WAC: variants seen among roughly 807,000 people sequenced by gnomAD.
WAC encodes WW domain-containing adapter protein with coiled-coil.
WAC carries 11 observed loss-of-function variants against 79.6 expected under a neutral mutation model. That is an observed-to-expected ratio of 0.14 (90% confidence interval 0.09 to 0.23). The LOEUF is 0.23. WAC is among the 10% of genes least tolerant of loss of function. WAC has a pLI of 1.00. For synonymous variants in WAC, 304 were observed against 276.9 expected, an observed-to-expected ratio of 1.10 and a Z score of -0.97; for missense variants, 728 against 773.5, an observed-to-expected ratio of 0.94 and a Z score of 0.70.
intron 3 of WAC, among the ~76,000 whole-genome samples, chr10:28,573,805 C>G (rs1318769919): frequency 6.6e-6 from 1 of 152,170 alleles, no homozygotes; most frequent in African/African-American, 2.4e-5. Flanking sequence ...CACCAATGTT[C>G]TAAATCAACT....
chr10:28,608,403 T>C lies in WAC; in HGVS notation c.1137T>C (p.Ser379=). The C allele has an allele frequency of 6.2e-7, 1 of 1,607,724 alleles. No individual in the cohort carries two copies. Among genetic ancestry groups the C allele is most frequent in the African/African-American group, 1.3e-5 (1 of 74,826 alleles). ...AAGCCACGCTGCAGCTTAATAATTCTAATGTGGACATATCTAAAATAAATG... is the reference window on the plus strand; with the variant it reads ...AAGCCACGCTGCAGCTTAATAATTCCAATGTGGACATATCTAAAATAAATG... ...ALQATLQLNN[S]NVDISKINEV... Residue 379 remains serine (S), a synonymous_variant, in exon 8 of 14, where the codon TCT becomes TCC. Coordinates refer to ENST00000354911, the MANE Select transcript of WAC (RefSeq NM_016628.5).
At chr10:28,592,775 C>CT (rs1237853689) in intron 6 of WAC, among the ~76,000 whole-genome samples, 1 of 151,920 alleles carries the variant, frequency 6.6e-6, no homozygotes, top group Non-Finnish European at 1.5e-5. Flanking sequence ...GGAATATATA[C>CT]TTTTTTTTCT....
At position 28,614,631 on chromosome 10, in the gene WAC, C is replaced by T; in HGVS notation, c.1502C>T (p.Ala501Val). 1 of 1,614,186 alleles carries T rather than the reference C, an allele frequency of 6.2e-7. No homozygotes were observed. The highest frequency in any genetic ancestry group is 8.5e-7 in the Non-Finnish European group (1 of 1,180,012). The change falls in exon 11 of 14, where the codon GCT (alanine) becomes GTT (valine). Residue 501 changes from alanine (A) to valine (V), a missense_variant. Around this residue, in one of 3 missense-constraint regions of WAC, gnomAD observed 648 missense variants for 661.5 expected, o/e 0.98. Coordinates refer to ENST00000354911, the MANE Select transcript of WAC (RefSeq NM_016628.5). ...SQSATQQPVT[A>V]DKQQGHEPVS... ...TCAGCCACACAGCAGCCTGTAACTG[C>T]TGACAAGCAGCAAGGTCATGAACCT...
chr10:28,537,501 C>A (rs1007612963), intron 3 of WAC: 3 of 152,176 alleles, frequency 2.0e-5, no homozygotes, highest in Admixed American at 1.3e-4. Flanking sequence ...TCCAGTTTAT[C>A]CCCAAATGCA....
chr10:28,555,506 G>A lies in WAC; in HGVS notation c.274+19749G>A, dbSNP rs547888355. Reference sequence around the variant, plus strand: ...CAACCAGGTCTTGGGGTTGGTGGGAGTGTTGGGCTCAACTCTGAATGCAGC... The same window carrying A: ...CAACCAGGTCTTGGGGTTGGTGGGAATGTTGGGCTCAACTCTGAATGCAGC... On this transcript the variant is annotated intron_variant, in intron 3 of 13. Coordinates refer to ENST00000354911, the MANE Select transcript of WAC (RefSeq NM_016628.5). Among the ~76,000 whole-genome samples the A allele has an allele frequency of 3.6e-4, 55 of 152,214 alleles. No individual in the cohort carries two copies. In the East Asian group the frequency reaches 6.8e-3, roughly 19 times the overall value.
chr10:28,592,156 T>C (rs1239441375), intron 6 of WAC, among the ~76,000 whole-genome samples: 1 of 152,186 alleles, frequency 6.6e-6, no homozygotes, highest in Non-Finnish European at 1.5e-5. Flanking sequence ...TTAAAGAACA[T>C]TGAATTTTGA....
intron 3 of WAC, among the ~76,000 whole-genome samples, chr10:28,569,667 G>T (rs1011966274): frequency 6.6e-6 from 1 of 152,154 alleles, no homozygotes; most frequent in Non-Finnish European, 1.5e-5. Context: ...GCTGTGGCTG[G>T]GCAAGGAGGT....
At chr10:28,563,781 T>C in intron 3 of WAC, among the ~76,000 whole-genome samples, 1 of 137,854 alleles carries the variant, frequency 7.3e-6, no homozygotes, top group African/African-American at 2.7e-5. Context: ...TTTGTATTTT[T>C]AGTAGAGACG....
chr10:28,599,097 T>G (rs1840515412), intron 7 of WAC, among the ~76,000 whole-genome samples: 1 of 152,124 alleles, frequency 6.6e-6, no homozygotes, highest in African/African-American at 2.4e-5. Flanking sequence ...ATTTTTTTTC[T>G]CAACGGAGAC....
At chr10:28,602,477 CTA>C (rs1438910454) in intron 7 of WAC, among the ~76,000 whole-genome samples, 4 of 152,176 alleles carry the variant, frequency 2.6e-5, no homozygotes, top group African/African-American at 7.2e-5. Flanking sequence ...ATAATCTGCT[CTA>C]TGTTTCCCAT....
intron 3 of WAC, among the ~76,000 whole-genome samples, chr10:28,540,326 G>GATTA (rs1440615201): frequency 6.6e-6 from 1 of 152,138 alleles, no homozygotes; most frequent in Non-Finnish European, 1.5e-5. Flanking sequence ...TGCTGTCAGA[G>GATTA]ATTAAACACT....
intron 3 of WAC, among the ~76,000 whole-genome samples, chr10:28,541,179 T>C (rs11007143): frequency 0.19 from 28,169 of 152,022 alleles, 3,094 homozygotes; most frequent in Non-Finnish European, 0.25. Context: ...TACTTGGGGT[T>C]TTGGTCTGTA....
Position 28,555,505 on chromosome 10 carries a change from A to C in WAC, c.274+19748A>C, listed in dbSNP as rs532474785. On this transcript the variant is annotated intron_variant, in intron 3 of 13. Coordinates refer to ENST00000354911, the MANE Select transcript of WAC (RefSeq NM_016628.5). ...GCAACCAGGTCTTGGGGTTGGTGGGAGTGTTGGGCTCAACTCTGAATGCAG... is the reference window on the plus strand; with the variant it reads ...GCAACCAGGTCTTGGGGTTGGTGGGCGTGTTGGGCTCAACTCTGAATGCAG... Among the ~76,000 whole-genome samples the C allele has an allele frequency of 2.0e-5, 3 of 151,946 alleles. No individual in the cohort carries two copies. The South Asian group carries it at 6.2e-4, about 32-fold the overall frequency.
intron 3 of WAC, among the ~76,000 whole-genome samples, chr10:28,565,760 C>G (rs1044270378): frequency 1.3e-5 from 2 of 152,130 alleles, no homozygotes; most frequent in African/African-American, 4.8e-5. Context: ...TAAAATAACA[C>G]AAGCAGCTCT....
intron 13 of WAC, 39 bp from the exon 14 acceptor site, chr10:28,619,498 A>G (rs747872607): frequency 2.4e-5 from 35 of 1,434,262 alleles, no homozygotes; most frequent in Non-Finnish European, 2.9e-5. Flanking sequence ...TAATATTTGT[A>G]TATGTACACA....
chr10:28,533,960 C>T lies in WAC; in HGVS notation c.42-38C>T, dbSNP rs376849596. The T allele has an allele frequency of 3.7e-6, 6 of 1,604,190 alleles. No homozygotes were observed. In the African/African-American group the frequency reaches 5.5e-5, roughly 15 times the overall value. On this transcript the variant is annotated intron_variant, in intron 1 of 13. Transcript: ENST00000354911. Reference sequence around the variant, plus strand: ...TTCCTCCCCGGCCCCCCACCCGCGCCGTGTCTTATGTCGCTGCCTTCTCTT... The same window carrying T: ...TTCCTCCCCGGCCCCCCACCCGCGCTGTGTCTTATGTCGCTGCCTTCTCTT...
intron 8 of WAC, among the ~76,000 whole-genome samples, chr10:28,610,065 G>C (rs1298720026): frequency 2.6e-5 from 4 of 151,064 alleles, no homozygotes; most frequent in African/African-American, 9.7e-5. Context: ...CCTAGTAGCT[G>C]GGATTACAGG....
chr10:28,566,078 C>T (rs534228620), intron 3 of WAC, among the ~76,000 whole-genome samples: 1 of 152,170 alleles, frequency 6.6e-6, no homozygotes, highest in East Asian at 1.9e-4. Context: ...CCTTAGACGA[C>T]GTAGGAGACT....
intron 3 of WAC, among the ~76,000 whole-genome samples, chr10:28,546,093 A>G (rs927463322): frequency 1.3e-5 from 2 of 152,204 alleles, no homozygotes; most frequent in African/African-American, 4.8e-5. Context: ...ATATTTAGAT[A>G]GTGTTAGTCT....
Sources: allele counts gnomAD v4.1 joint callset (sites outside exome capture counted in the v4.1 genomes callset), GRCh38; gene constraint gnomAD v4.1.1; regional missense constraint gnomAD v4.1.1; transcripts MANE v1.5; gene names NCBI Gene and HGNC (gene_info 2026-07-23, HGNC 2026-07-21).